The following PDCD6 variants were observed in gnomAD, a reference collection of about 807,000 sequenced individuals.
PDCD6 encodes the protein programmed cell death protein 6.
Under a neutral mutation model 28.3 loss-of-function variants are expected in PDCD6, and 12 were observed. The observed-to-expected ratio is 0.42, with a 90% CI of 0.27 to 0.69. PDCD6 has a LOEUF of 0.69. Ranked by LOEUF, PDCD6 falls within the 30% of genes least tolerant of loss-of-function variation. PDCD6 has a pLI of 0.22. For missense variants in PDCD6, 226 were observed against 269.9 expected (o/e 0.84, Z 1.14); for synonymous variants, 92 against 108.0 (o/e 0.85, Z 0.92).
At chr5:299,638 C>T (rs1245647347) in intron 2 of PDCD6, among the ~76,000 whole-genome samples, 5 of 152,000 alleles carry the variant, frequency 3.3e-5, no homozygotes, top group South Asian at 2.1e-4. Context: ...CAAGCTCCAC[C>T]TCCCGGGTTC....
At chr5:276,555 C>T (rs777834104) in intron 2 of PDCD6, 14 of 978,946 alleles carry the variant, frequency 1.4e-5, no homozygotes, top group Non-Finnish European at 1.5e-5. Context: ...CCTGCCTCAG[C>T]CTATACTAAT....
chr5:297,268 G>A (rs868624090), intron 2 of PDCD6, among the ~76,000 whole-genome samples: 1 of 152,222 alleles, frequency 6.6e-6, no homozygotes, highest in Admixed American at 6.5e-5. Flanking sequence ...TCTACCATGT[G>A]GTTAACCACG....
intron 2 of PDCD6, among the ~76,000 whole-genome samples, chr5:288,477 A>G (rs970242549): frequency 1.3e-5 from 2 of 151,552 alleles, no homozygotes; most frequent in Admixed American, 6.6e-5. Context: ...ACCTTCTTTC[A>G]TATGTATAAA....
chr5:275,480 A>G (rs1738131247), intron 2 of PDCD6, among the ~76,000 whole-genome samples: 1 of 152,108 alleles, frequency 6.6e-6, no homozygotes, highest in African/African-American at 2.4e-5. Context: ...ACCTGATGAC[A>G]TTTTCCTCTT....
intron 1 of PDCD6, 121 bp downstream of exon 1, chr5:271,942 T>A (rs62345187): frequency 2.6e-6 from 1 of 389,648 alleles, no homozygotes; most frequent in Admixed American, 5.1e-5. Context: ...CCGTCCCCTG[T>A]CGGGTCCCCC....
At chr5:286,738 G>T (rs1300837144) in intron 2 of PDCD6, among the ~76,000 whole-genome samples, 2 of 149,886 alleles carry the variant, frequency 1.3e-5, no homozygotes, top group Non-Finnish European at 3.0e-5. Context: ...GGCCGTGCAG[G>T]TGGAGACCTG....
chr5:275,806 A>G (rs1738158155), intron 2 of PDCD6, among the ~76,000 whole-genome samples: 5 of 152,118 alleles, frequency 3.3e-5, no homozygotes, highest in Admixed American at 3.3e-4. Context: ...TTGAAGCCTG[A>G]TTTAGTACAC....
chr5:278,727 G>A (rs1414648816), intron 2 of PDCD6, among the ~76,000 whole-genome samples: 1 of 144,434 alleles, frequency 6.9e-6, no homozygotes, highest in Non-Finnish European at 1.5e-5. Flanking sequence ...AAAACAAAAG[G>A]AAAGAAAGAA....
At position 314,548 on chromosome 5, in the gene PDCD6, G is replaced by A. The variant is rs915966826; in HGVS notation, c.*33G>A. On this transcript the variant is annotated 3_prime_UTR_variant, in exon 6 of 6. Coordinates refer to ENST00000264933, the MANE Select transcript of PDCD6 (RefSeq NM_013232.4). The stretch of plus-strand genomic sequence containing the variant: ...CTCTCGTGAAGAGCAGCACAACATG[G>A]AAAGAGCCAAAATGTCACAGTTCCT... 3 of 1,452,024 alleles carry A rather than the reference G, an allele frequency of 2.1e-6. No individual in the cohort carries two copies. The highest frequency in any genetic ancestry group is 9.7e-7 in the Non-Finnish European group (1 of 1,033,222). 89.9% of individuals were successfully genotyped at this position (1,452,024 alleles called of 1,614,324 possible). A position where few individuals can be genotyped will look rare whatever the true frequency, so the allele number is the denominator to read the frequency against.
chr5:272,696 T>G lies in PDCD6; in HGVS notation c.102-15T>G, dbSNP rs747291918. On this transcript the variant is annotated splice_polypyrimidine_tract_variant and intron_variant, in intron 1 of 5. Coordinates refer to ENST00000264933, the MANE Select transcript of PDCD6 (RefSeq NM_013232.4). ...CTTTCGATCGCCAGCTTATTTGGTCTTCTTGATGTTATAGGGTCGATAAAG... is the reference window on the plus strand; with the variant it reads ...CTTTCGATCGCCAGCTTATTTGGTCGTCTTGATGTTATAGGGTCGATAAAG... 11 of 1,559,530 alleles carry G rather than the reference T, an allele frequency of 7.1e-6. No individual in the cohort carries two copies. The Admixed American group carries it at 7.4e-5, about 10-fold the overall frequency.
At chr5:292,768 C>T (rs1039183641) in intron 2 of PDCD6, among the ~76,000 whole-genome samples, 2 of 152,164 alleles carry the variant, frequency 1.3e-5, no homozygotes, top group Non-Finnish European at 2.9e-5. Flanking sequence ...GGACTTGGCT[C>T]CGTCTCTGAG....
At chr5:310,155 G>T in intron 4 of PDCD6, 1 of 162,064 alleles carries the variant, frequency 6.2e-6, no homozygotes, top group Non-Finnish European at 1.3e-5. Flanking sequence ...GAGTAGTAGG[G>T]ACCAGAAAAA....
chr5:276,355 T>C (rs1579476788), intron 2 of PDCD6: 2 of 1,060,684 alleles, frequency 1.9e-6, no homozygotes, highest in Non-Finnish European at 2.3e-6. Flanking sequence ...CTCTCACTAC[T>C]AGGTTGTGAG....
At chr5:294,761 C>G (rs1282460802) in intron 2 of PDCD6, among the ~76,000 whole-genome samples, 1 of 152,240 alleles carries the variant, frequency 6.6e-6, no homozygotes, top group African/African-American at 2.4e-5. Flanking sequence ...GGCCTCATTC[C>G]TCATTGCCAA....
intron 5 of PDCD6, among the ~76,000 whole-genome samples, chr5:313,287 C>A (rs767505892): frequency 6.6e-6 from 1 of 152,170 alleles, no homozygotes; most frequent in Non-Finnish European, 1.5e-5. Context: ...TATTTTCTAA[C>A]AAATAACATG....
chr5:313,210 T>G (rs1348798492), intron 5 of PDCD6, among the ~76,000 whole-genome samples: 1 of 152,244 alleles, frequency 6.6e-6, no homozygotes, highest in Non-Finnish European at 1.5e-5. Flanking sequence ...AGACCTCAAG[T>G]TAAAATTCCC....
At chr5:273,291 G>A (rs1419591267) in intron 2 of PDCD6, 1 of 161,406 alleles carries the variant, frequency 6.2e-6, no homozygotes, top group Non-Finnish European at 1.4e-5. Flanking sequence ...CTGGCCAGGG[G>A]ATTATGGGGA....
intron 5 of PDCD6, 59 bp from the exon 6 acceptor site, chr5:314,358 C>T (rs1741132662): frequency 1.6e-6 from 2 of 1,274,988 alleles, no homozygotes; most frequent in Non-Finnish European, 2.3e-6. Flanking sequence ...TGCCTTTGTC[C>T]CAGTGCACCT....
intron 2 of PDCD6, among the ~76,000 whole-genome samples, chr5:292,243 A>T (rs1739357170): frequency 1.3e-5 from 2 of 151,834 alleles, no homozygotes; most frequent in South Asian, 4.2e-4. Flanking sequence ...GAATTTTTGC[A>T]CTTTTCTTTT....
Sources: gnomAD v4.1 joint callset for allele counts (sites outside exome capture counted in the v4.1 genomes callset) on GRCh38, gnomAD v4.1.1 for gene constraint, MANE v1.5 for transcripts, NCBI Gene and HGNC (gene_info 2026-07-23, HGNC 2026-07-21) for gene names.